ABLIM1: variants seen among roughly 807,000 people sequenced by gnomAD.
ABLIM1 encodes the protein actin-binding LIM protein 1.
In ABLIM1, 40 loss-of-function variants were observed where a neutral mutation model predicts 107.0. The observed-to-expected ratio is 0.37, with a 90% confidence interval of 0.29 to 0.49. The LOEUF (loss-of-function observed/expected upper bound fraction) is 0.49, where lower values mean the gene tolerates loss of function less well. Ranked by LOEUF, ABLIM1 falls within the 20% of genes least tolerant of loss-of-function variation. The pLI is 0.97. For synonymous variants in ABLIM1, 357 were observed against 357.3 expected (o/e 1.00, Z 0.01); for missense variants, 857 against 1,008.5 (o/e 0.85, Z 2.04).
Position 114,436,037 on chromosome 10 carries a change from T to C in ABLIM1, c.*223A>G. On this transcript the variant is annotated 3_prime_UTR_variant, in exon 23 of 23. Transcript: ENST00000533213. ...AAAAGCTCACATGTGGACACTACTC[T>C]GTGTTTCGGAACATAGAAATTTCTA... 1.8e-6 allele frequency: 1 copy of C among 544,956 alleles called. No individual in the cohort carries two copies. The allele number at this position is 544,956 out of a possible 1,614,324, so 33.8% of individuals were successfully genotyped here. A position where few individuals can be genotyped will look rare whatever the true frequency, so the allele number is the denominator to read the frequency against.
At chr10:114,660,050 C>G (rs113869353), upstream of ABLIM1, among the ~76,000 whole-genome samples, 1 of 152,164 alleles carries the variant, frequency 6.6e-6, no homozygotes. Flanking sequence ...AAGAAACAGA[C>G]GCTGTCTAGA....
At chr10:114,551,322 CAA>C (rs1455472932) in intron 4 of ABLIM1, among the ~76,000 whole-genome samples, 1 of 152,336 alleles carries the variant, frequency 6.6e-6, no homozygotes, top group East Asian at 1.9e-4. Flanking sequence ...ATGAAATAAG[CAA>C]AGACACAATT....
Position 114,446,814 on chromosome 10 carries a change from A to G in ABLIM1, c.1735+1066T>C, listed in dbSNP as rs182781237. ...TGATGGTTGGTTCTTAGTTCTTACA[A>G]TTATAAATGTCAGTGTGAAGTTTCT... is the stretch of plus-strand genomic sequence containing the variant. On this transcript the variant is annotated intron_variant, in intron 15 of 22. Coordinates refer to ENST00000533213, the MANE Select transcript of ABLIM1 (RefSeq NM_002313.7). Among the ~76,000 whole-genome samples the G allele has an allele frequency of 1.5e-3, 233 of 152,338 alleles. 1 individual carries two copies. Among genetic ancestry groups the G allele is most frequent in the African/African-American group, 5.2e-3 (217 of 41,576 alleles).
chr10:114,444,079 C>T lies in ABLIM1; in HGVS notation c.1883G>A (p.Arg628Gln), dbSNP rs143955890. ...ILKEEMEKES[R>Q]ERSSLLASRY... ...ACTGGCTAACAGAGATGACCTTTCC[C>T]GGCTCTCTTTCTCCATCTCTTCTTT... The change falls in exon 17 of 23, where the codon CGG becomes CAG. Residue 628 changes from arginine (R) to glutamine (Q), a missense_variant. Transcript: ENST00000533213. 310 of 1,612,796 alleles carry T rather than the reference C, an allele frequency of 1.9e-4. No individual in the cohort carries two copies. Among genetic ancestry groups the T allele is most frequent in the Non-Finnish European group, 2.4e-4 (288 of 1,179,668 alleles).
chr10:114,443,799 T>A (rs563694849), intron 17 of ABLIM1, among the ~76,000 whole-genome samples: 4 of 152,030 alleles, frequency 2.6e-5, no homozygotes, highest in Non-Finnish European at 5.9e-5. Flanking sequence ...TTGGCCTTCA[T>A]GGATTTTGAG....
At chr10:114,512,400 T>C (rs2062012743) in intron 6 of ABLIM1, among the ~76,000 whole-genome samples, 1 of 152,328 alleles carries the variant, frequency 6.6e-6, no homozygotes, top group Non-Finnish European at 1.5e-5. Flanking sequence ...AAATAGTAAG[T>C]GGACAATAGA....
chr10:114,451,459 C>G (rs1264158689), intron 14 of ABLIM1, among the ~76,000 whole-genome samples, 165 bp downstream of exon 14: 1 of 152,132 alleles, frequency 6.6e-6, no homozygotes, highest in East Asian at 1.9e-4. Flanking sequence ...CCAGGAGAAT[C>G]AATTTTACAA....
At chr10:114,733,765 T>A (rs1443779173) in intron 1 of ABLIM1, among the ~76,000 whole-genome samples, 5 of 152,222 alleles carry the variant, frequency 3.3e-5, no homozygotes, top group Non-Finnish European at 7.3e-5. Context: ...CATTGCTGAT[T>A]TGTTCTATAA....
chr10:114,548,971 G>A (rs1209066752), intron 4 of ABLIM1, among the ~76,000 whole-genome samples: 1 of 152,210 alleles, frequency 6.6e-6, no homozygotes, highest in Non-Finnish European at 1.5e-5. Flanking sequence ...GACGCTTCTA[G>A]CCCAACTTTA....
chr10:114,764,005 T>C (rs1457277111), intron 1 of ABLIM1, among the ~76,000 whole-genome samples: 1 of 152,152 alleles, frequency 6.6e-6, no homozygotes, highest in Non-Finnish European at 1.5e-5. Flanking sequence ...GGACTCTATC[T>C]TTAGTGTTTA....
chr10:114,545,039 G>A lies in ABLIM1; in HGVS notation c.860C>T (p.Ala287Val), dbSNP rs763448342. 3.7e-5 allele frequency: 59 copies of A among 1,613,970 alleles called. No individual in the cohort carries two copies. Among genetic ancestry groups the A allele is most frequent in the Admixed American group, 2.7e-4 (16 of 59,988 alleles). Residue 287 changes from alanine to valine, a missense_variant, in exon 6 of 23, where the codon GCG becomes GTG. Physicochemically the swap from Ala to Val is moderately conservative, Grantham distance 64. This residue lies in a region of ABLIM1 where 381 missense variants were observed against 506.9 expected (regional missense o/e 0.75). Coordinates refer to ENST00000533213, the MANE Select transcript of ABLIM1 (RefSeq NM_002313.7). ...YQGLFGVKCEACHQFITGKVL... is the reference protein window; with the variant it reads ...YQGLFGVKCEVCHQFITGKVL... ...TTTCCCTGTGATAAACTGGTGACAC[G>A]CCTCACATTTCACCCCAAAGAGTCC...
intron 6 of ABLIM1, among the ~76,000 whole-genome samples, chr10:114,537,270 T>C (rs569669700): frequency 6.6e-6 from 1 of 152,244 alleles, no homozygotes; most frequent in South Asian, 2.1e-4. Flanking sequence ...TATTGATACA[T>C]AATATTTTAC....
intron 12 of ABLIM1, among the ~76,000 whole-genome samples, chr10:114,464,043 G>A (rs1188777721): frequency 1.3e-5 from 2 of 152,138 alleles, no homozygotes; most frequent in Admixed American, 6.5e-5. Context: ...GGGGGAAGGA[G>A]TGTTGACTGA....
intron 1 of ABLIM1, 35 bp downstream of exon 1, chr10:114,657,922 A>G (rs2079601816): frequency 5.1e-6 from 8 of 1,560,202 alleles, no homozygotes; most frequent in Non-Finnish European, 7.0e-6. Context: ...ATCACAAAAC[A>G]CAAAACCATG....
At chr10:114,763,555 T>C (rs1428508074) in intron 1 of ABLIM1, among the ~76,000 whole-genome samples, 2 of 151,750 alleles carry the variant, frequency 1.3e-5, no homozygotes, top group Non-Finnish European at 2.9e-5. Context: ...CCCACCTAAG[T>C]TTTGTACTTT....
chr10:114,526,504 G>T, intron 6 of ABLIM1: 6 of 337,374 alleles, frequency 1.8e-5, no homozygotes, highest in Non-Finnish European at 2.1e-5. Context: ...TTACATAAAT[G>T]TATGTCAGGG....
rs190028147 is a variant in ABLIM1 at position 114,436,837 on chromosome 10, T to C, written c.2224-464A>G. 1.1e-4 allele frequency among the ~76,000 whole-genome samples: 16 copies of C among 152,208 alleles called. No individual in the cohort carries two copies. The East Asian group carries it at 3.1e-3, about 29-fold the overall frequency. On this transcript the variant is annotated intron_variant, in intron 22 of 22. Coordinates refer to ENST00000533213, the MANE Select transcript of ABLIM1 (RefSeq NM_002313.7). ...TACTGAGAAGACTTCCCATCAGTCA[T>C]TCCCCCCTAGAAAAGTTCCCCCAAG...
At chr10:114,478,847 C>T (rs1218632062) in intron 8 of ABLIM1, among the ~76,000 whole-genome samples, 2 of 152,186 alleles carry the variant, frequency 1.3e-5, no homozygotes, top group Non-Finnish European at 2.9e-5. Flanking sequence ...GTAAAATTTA[C>T]TTCCATGGGC....
In ABLIM1 at chr10:114,691,626, A is replaced by G. The variant is rs149405102; in HGVS notation, c.-213+76435T>C. ...TCTTGGTGCCTTTGAAAAAGTTGTA[A>G]TGATAAAGTCTAAAAGGAAACAAAT... On this transcript the variant is annotated intron_variant, in intron 1 of 15. Coordinates refer to the ABLIM1 transcript ENST00000651092. 3.3e-5 allele frequency among the ~76,000 whole-genome samples: 5 copies of G among 152,320 alleles called. No homozygotes were observed. In the East Asian group the frequency reaches 7.7e-4, roughly 24 times the overall value.
Sources: gnomAD v4.1 joint callset for allele counts (sites outside exome capture counted in the v4.1 genomes callset) on GRCh38, gnomAD v4.1.1 for gene constraint, gnomAD v4.1.1 regional missense constraint, MANE v1.5 for transcripts, NCBI Gene and HGNC (gene_info 2026-07-23, HGNC 2026-07-21) for gene names.